Variants in TMEM123 observed in about 807,000 individuals in gnomAD.
TMEM123 encodes the protein porimin.
TMEM123 carries 16 observed loss-of-function variants against 19.7 expected under a neutral mutation model. The observed-to-expected ratio is 0.81, with a 90% confidence interval of 0.55 to 1.23. The LOEUF is 1.23. TMEM123 is among the 50% of genes most tolerant of loss of function. TMEM123 has a pLI of 0.00. For missense variants in TMEM123, 313 were observed against 257.8 expected, an observed-to-expected ratio of 1.21 and a Z score of -1.47; for synonymous variants, 118 against 99.4, an observed-to-expected ratio of 1.19 and a Z score of -1.12.
chr11:102,442,296 A>C (rs1322866609), intron 2 of TMEM123, among the ~76,000 whole-genome samples: 3 of 152,256 alleles, frequency 2.0e-5, no homozygotes, highest in African/African-American at 7.2e-5. Flanking sequence ...AAAAATCCTC[A>C]GTAAAATACT....
At chr11:102,449,221 G>T in intron 1 of TMEM123, 1 of 231,624 alleles carries the variant, frequency 4.3e-6, no homozygotes, top group Non-Finnish European at 8.9e-6. Flanking sequence ...CTTCTGAGTG[G>T]AGTGGACCAT....
intron 2 of TMEM123, among the ~76,000 whole-genome samples, chr11:102,427,718 G>T (rs929906822): frequency 3.3e-5 from 5 of 151,192 alleles, no homozygotes; most frequent in Non-Finnish European, 7.4e-5. Flanking sequence ...CACACCTGTA[G>T]TCCCAGCTAC....
chr11:102,451,051 C>T (rs567903429), intron 1 of TMEM123, among the ~76,000 whole-genome samples: 14 of 152,150 alleles, frequency 9.2e-5, no homozygotes, highest in Admixed American at 2.0e-4. Context: ...TTTATGAATT[C>T]AGGGCTCGCC....
intron 2 of TMEM123, among the ~76,000 whole-genome samples, chr11:102,446,635 A>G (rs955851141): frequency 3.3e-5 from 5 of 152,212 alleles, no homozygotes; most frequent in African/African-American, 1.2e-4. Flanking sequence ...CATACCTACT[A>G]TGCACCAGGC....
intron 2 of TMEM123, among the ~76,000 whole-genome samples, chr11:102,447,183 T>A (rs1857893327): frequency 2.0e-5 from 3 of 152,220 alleles, no homozygotes; most frequent in South Asian, 4.1e-4. Flanking sequence ...AAAATTTCCC[T>A]GTGCTAGAAG....
intron 2 of TMEM123, among the ~76,000 whole-genome samples, chr11:102,406,988 A>G (rs553183343): frequency 2.8e-4 from 43 of 152,238 alleles, no homozygotes; most frequent in Non-Finnish European, 5.6e-4. Flanking sequence ...CACTGCACCA[A>G]GAGCTGAAGG....
intron 2 of TMEM123, among the ~76,000 whole-genome samples, chr11:102,422,422 C>T (rs559374929): frequency 1.3e-5 from 2 of 152,056 alleles, no homozygotes; most frequent in South Asian, 4.2e-4. Context: ...TGCAGTGAGC[C>T]GAGATTGTGT....
At chr11:102,445,167 TA>T (rs968109860) in intron 2 of TMEM123, among the ~76,000 whole-genome samples, 201 of 151,796 alleles carry the variant, frequency 1.3e-3, no homozygotes, top group African/African-American at 4.6e-3. Flanking sequence ...ACTCGAAGTA[TA>T]AAAAAAAATT....
chr11:102,433,043 C>T (rs1404324626), intron 2 of TMEM123, among the ~76,000 whole-genome samples: 2 of 151,960 alleles, frequency 1.3e-5, no homozygotes, highest in East Asian at 3.9e-4. Flanking sequence ...GTGGAGGCCT[C>T]ATGGAGAAAC....
intron 2 of TMEM123, among the ~76,000 whole-genome samples, chr11:102,408,020 CATG>C (rs1449757690): frequency 1.3e-5 from 2 of 152,170 alleles, no homozygotes; most frequent in Non-Finnish European, 2.9e-5. Context: ...AACTAGTCAC[CATG>C]ATATGAAGTA....
chr11:102,410,849 G>A (rs1951998076), intron 2 of TMEM123, among the ~76,000 whole-genome samples: 2 of 152,008 alleles, frequency 1.3e-5, no homozygotes, highest in South Asian at 4.2e-4. Flanking sequence ...TGTATGCCAG[G>A]GGCCAGTTTG....
In TMEM123 at chr11:102,397,719, A is replaced by T. The variant is rs1414187043; in HGVS notation, c.*1148T>A. 1 of 152,214 alleles carries T rather than the reference A, an allele frequency of 6.6e-6. No homozygotes were observed. The highest frequency in any genetic ancestry group is 1.5e-5 in the Non-Finnish European group (1 of 68,026). The allele number at this position is 152,214 out of a possible 1,614,324, so 9.4% of individuals were successfully genotyped here. On this transcript the variant is annotated 3_prime_UTR_variant, in exon 5 of 5. Transcript: ENST00000398136. The stretch of plus-strand genomic sequence containing the variant: ...ATTTTGGTGTTTGTTTTAGTATAAA[A>T]ATGTCATTTCCCCAAATCTGAGTAA...
intron 2 of TMEM123, among the ~76,000 whole-genome samples, chr11:102,419,161 T>C (rs1245038976): frequency 1.3e-5 from 2 of 152,162 alleles, no homozygotes; most frequent in Non-Finnish European, 2.9e-5. Context: ...GAGCCTAAAA[T>C]AAAAGAAAAA....
chr11:102,431,235 CTAAA>C (rs377300269), intron 2 of TMEM123, among the ~76,000 whole-genome samples: 10 of 152,002 alleles, frequency 6.6e-5, no homozygotes, highest in African/African-American at 1.9e-4. Flanking sequence ...TGTGGAATCG[CTAAA>C]TAAATATAGG....
At chr11:102,411,684 GAA>G (rs796687491) in intron 2 of TMEM123, among the ~76,000 whole-genome samples, 1 of 142,556 alleles carries the variant, frequency 7.0e-6, no homozygotes, top group Admixed American at 7.0e-5. Flanking sequence ...GCAGAGGTGG[GAA>G]AAAAAAAAAA....
chr11:102,433,263 G>A (rs1857731345), intron 2 of TMEM123, among the ~76,000 whole-genome samples: 1 of 152,006 alleles, frequency 6.6e-6, no homozygotes, highest in South Asian at 2.1e-4. Flanking sequence ...GCTGTACTCT[G>A]CAAAGCCACA....
Position 102,452,574 on chromosome 11 carries a change from A to T in TMEM123, c.50T>A (p.Leu17Gln). 6.4e-7 allele frequency: 1 copy of T among 1,574,790 alleles called. No individual in the cohort carries two copies. Among genetic ancestry groups the T allele is most frequent in the South Asian group, 1.1e-5 (1 of 87,552 alleles). The change falls in exon 1 of 5, where the codon CTG becomes CAG. Residue 17 changes from leucine to glutamine, a missense_variant. Physicochemically the swap from Leu to Gln is moderately radical, Grantham distance 113. Coordinates refer to ENST00000398136, the MANE Select transcript of TMEM123 (RefSeq NM_052932.3). ...GGCCCCCAGCAGCGCTAGCACCTGCAGCGTCCCCAGGAGCAGCGCGGCCCA... is the reference window on the plus strand; with the variant it reads ...GGCCCCCAGCAGCGCTAGCACCTGCTGCGTCCCCAGGAGCAGCGCGGCCCA... ...GAWAALLLGTLQVLALLGAAH... is the reference protein window; with the variant it reads ...GAWAALLLGTQQVLALLGAAH...
intron 2 of TMEM123, among the ~76,000 whole-genome samples, chr11:102,424,810 C>A (rs374821075): frequency 2.0e-5 from 3 of 152,068 alleles, no homozygotes; most frequent in African/African-American, 7.2e-5. Context: ...GAAAAGGGAG[C>A]GGGTCAAAGC....
rs1016237861 is a variant in TMEM123, at chr11:102,396,554, T to C, written c.*2313A>G. 1 of 152,236 alleles carries C rather than the reference T, an allele frequency of 6.6e-6. No individual in the cohort carries two copies. Among genetic ancestry groups the C allele is most frequent in the African/African-American group, 2.4e-5 (1 of 41,462 alleles). The allele number at this position is 152,236 out of a possible 1,614,324, so 9.4% of individuals were successfully genotyped here. A position where few individuals can be genotyped will look rare whatever the true frequency, so the allele number is the denominator to read the frequency against. On this transcript the variant is annotated 3_prime_UTR_variant, in exon 5 of 5. Transcript: ENST00000398136. ...AAAATTGGCTTCTGCCTAGTACTTA[T>C]ACATCTGGATTGTTTGTTTTGATCT...
Sources: allele counts gnomAD v4.1 joint callset (sites outside exome capture counted in the v4.1 genomes callset), GRCh38; gene constraint gnomAD v4.1.1; transcripts MANE v1.5; gene names NCBI Gene and HGNC (gene_info 2026-07-23, HGNC 2026-07-21).